The following ERBB3 variants were observed in gnomAD, a reference collection of about 807,000 sequenced individuals.
ERBB3 encodes the protein erb-b2 receptor tyrosine kinase 3.
Under a neutral mutation model 156.7 loss-of-function variants are expected in ERBB3, and 96 were observed. That is an observed-to-expected ratio of 0.61 (90% CI 0.52 to 0.73). The LOEUF (loss-of-function observed/expected upper bound fraction) is 0.73, where lower values mean the gene tolerates loss of function less well. Ranked by LOEUF, ERBB3 falls within the 30% of genes least tolerant of loss-of-function variation. The pLI is 0.00. For synonymous variants in ERBB3, 567 were observed against 632.0 expected (o/e 0.90, Z 1.54); for missense variants, 1,406 against 1,709.4 (o/e 0.82, Z 3.13).
Position 56,088,101 on chromosome 12 carries a change from G to T in ERBB3, c.813G>T (p.Gln271His), listed in dbSNP as rs1157254449. Residue 271 changes from glutamine (Q) to histidine (H), a missense_variant, in exon 7 of 28, where the codon CAG becomes CAT. Coordinates refer to ENST00000267101, the MANE Select transcript of ERBB3 (RefSeq NM_001982.4). ...QPLVYNKLTF[Q>H]LEPNPHTKYQ... ...TTGTCTACAACAAGCTAACTTTCCA[G>T]CTGGAACCCAATCCCCACACCAAGT... 1.2e-5 allele frequency: 20 copies of T among 1,614,032 alleles called. No individual in the cohort carries two copies. Among genetic ancestry groups the T allele is most frequent in the Non-Finnish European group, 1.7e-5 (20 of 1,180,034 alleles).
intron 1 of ERBB3, among the ~76,000 whole-genome samples, chr12:56,081,493 T>G (rs1868353317): frequency 6.6e-6 from 1 of 152,154 alleles, no homozygotes; most frequent in Non-Finnish European, 1.5e-5. Flanking sequence ...TTGCTGGGCC[T>G]AAATTTAGAT....
intron 1 of ERBB3, chr12:56,083,546 A>G (rs1026046330): frequency 3.3e-6 from 2 of 602,852 alleles, no homozygotes; most frequent in Middle Eastern, 4.5e-4. Context: ...CATTCATGGA[A>G]TGGTAAGGGG....
intron 3 of ERBB3, among the ~76,000 whole-genome samples, chr12:56,086,271 GA>G (rs1868483997): frequency 6.6e-6 from 1 of 152,086 alleles, no homozygotes; most frequent in Non-Finnish European, 1.5e-5. Context: ...TGTTGAGTCA[GA>G]AATCTCTCCC....
chr12:56,092,389 CAAAAAAAAAAAAAAAAA>C (rs60865127), intron 9 of ERBB3, among the ~76,000 whole-genome samples: 2 of 42,850 alleles, frequency 4.7e-5, no homozygotes, highest in East Asian at 1.1e-3. Context: ...GACTCTGTCT[CAAAAAAAAAAAAAAAAA>C]AAAAAAAAAA....
intron 9 of ERBB3, chr12:56,089,180 C>T: frequency 6.4e-6 from 3 of 467,964 alleles, no homozygotes; most frequent in South Asian, 3.1e-5. Flanking sequence ...GTCACCTAGG[C>T]TGGAGTGCAG....
At chr12:56,085,796 G>A (rs1389184371) in intron 3 of ERBB3, among the ~76,000 whole-genome samples, 20 of 145,376 alleles carry the variant, frequency 1.4e-4, no homozygotes, top group Admixed American at 6.9e-4. Flanking sequence ...AAGCCTGGGC[G>A]CGGTGGCTCA....
At chr12:56,091,264 TTTTATATATATA>T (rs1280565018) in intron 9 of ERBB3, among the ~76,000 whole-genome samples, 1 of 34,070 alleles carries the variant, frequency 2.9e-5, no homozygotes, top group African/African-American at 9.6e-5. Context: ...GCTTGGCTAA[TTTTATATATATA>T]TATATATATA....
intron 9 of ERBB3, 44 bp from the exon 10 acceptor site, chr12:56,092,703 G>C: frequency 7.1e-7 from 1 of 1,407,394 alleles, no homozygotes; most frequent in Non-Finnish European, 1.0e-6. Flanking sequence ...TTGCCATTGA[G>C]TTATACCTTT....
At chr12:56,096,411 G>A (rs973153715) in intron 17 of ERBB3, 92 bp from the exon 18 acceptor site, 2 of 1,526,044 alleles carry the variant, frequency 1.3e-6, no homozygotes, top group South Asian at 1.1e-5. Flanking sequence ...CCTTTCAGCT[G>A]TGCTGCTTTT....
Position 56,091,324 on chromosome 12 carries a change from T to TTACACATATATATTATAA in ERBB3, c.1110-1423_1110-1422insTACACATATATATTATAA, listed in dbSNP as rs1565858589. Among the ~76,000 whole-genome samples the TTACACATATATATTATAA allele has an allele frequency of 8.4e-5, 2 of 23,780 alleles. 1 individual carries two copies. The highest frequency in any genetic ancestry group is 3.1e-4 in the African/African-American group (2 of 6,424). The allele number at this position is 23,780 out of a possible 152,430, so 15.6% of individuals were successfully genotyped here. On this transcript the variant is annotated intron_variant, in intron 9 of 27. Transcript: ENST00000267101. ...TAATATATATAAATATAAATATATA[T>TTACACATATATATTATAA]ATATAAATAATATATATAAATATAT... is the stretch of plus-strand genomic sequence containing the variant.
At chr12:56,087,466 CT>C in intron 4 of ERBB3, 110 bp from the exon 5 acceptor site, 1 of 962,438 alleles carries the variant, frequency 1.0e-6, no homozygotes, top group Non-Finnish European at 1.7e-6. Context: ...ACAGCCCTGG[CT>C]TTTTGCTTCC....
rs762010415 is a variant in ERBB3, at chr12:56,083,788, C to A, written c.120C>A (p.Gly40=). The A allele has an allele frequency of 6.2e-7, 1 of 1,613,920 alleles. No individual in the cohort carries two copies. Among genetic ancestry groups the A allele is most frequent in the African/African-American group, 1.3e-5 (1 of 74,870 alleles). The part of the protein sequence containing the change: ...PGTLNGLSVT[G]DAENQYQTLY... ...CTCTGAATGGCCTGAGTGTGACCGG[C>A]GATGCTGAGAACCAATACCAGACAC... Residue 40 remains glycine (G), a synonymous_variant, in exon 2 of 28, where the codon GGC becomes GGA. Coordinates refer to ENST00000267101, the MANE Select transcript of ERBB3 (RefSeq NM_001982.4).
intron 9 of ERBB3, among the ~76,000 whole-genome samples, chr12:56,089,321 A>C (rs900285763): frequency 6.6e-6 from 1 of 152,010 alleles, no homozygotes; most frequent in Non-Finnish European, 1.5e-5. Flanking sequence ...GGGTCTTGCT[A>C]TGTTGCCCAG....
At chr12:56,081,816 G>A (rs973951213) in intron 1 of ERBB3, among the ~76,000 whole-genome samples, 1 of 152,100 alleles carries the variant, frequency 6.6e-6, no homozygotes, top group Non-Finnish European at 1.5e-5. Context: ...TCTGGTTGAG[G>A]AGGGGCTGGA....
chr12:56,086,726 C>T (rs1347948938), intron 4 of ERBB3, 70 bp downstream of exon 4: 22 of 1,595,238 alleles, frequency 1.4e-5, no homozygotes, highest in Non-Finnish European at 2.6e-6. Flanking sequence ...TTCCATCATC[C>T]TTACATTCCT....
intron 9 of ERBB3, chr12:56,089,219 G>A (rs532044461): frequency 6.7e-6 from 3 of 446,122 alleles, no homozygotes; most frequent in Admixed American, 2.5e-5. Context: ...CTGTAGCCTC[G>A]ACCTCCTGGG....
rs267603577 is a variant in ERBB3, at chr12:56,094,123, G to A, written c.1638G>A (p.Glu546=). ...GGGAGCCTCGAGAATTTGCCCATGA[G>A]GCCGAATGCTTCTCCTGCCACCCGG... is the stretch of plus-strand genomic sequence containing the variant. ...LNGEPREFAH[E]AECFSCHPEC... is the part of the protein sequence containing the mutation. The change falls in exon 14 of 28, where the codon GAG becomes GAA. Residue 546 remains glutamate (E), a synonymous_variant. Transcript: ENST00000267101. 12 of 1,613,994 alleles carry A rather than the reference G, an allele frequency of 7.4e-6. No individual in the cohort carries two copies. The South Asian group carries it at 1.2e-4, about 16-fold the overall frequency.
chr12:56,102,032 A>G lies in ERBB3; in HGVS notation c.4006A>G (p.Lys1336Glu), dbSNP rs1869131241. ...TTACTGGCATAGCAGGCTTTTCCCC[A>G]AGGCTAATGCCCAGAGAACGTAACT... is the stretch of plus-strand genomic sequence containing the variant. ...PDYWHSRLFP[K>E]ANAQRT is the part of the protein sequence containing the mutation. Residue 1336 changes from lysine (K) to glutamate (E), a missense_variant, in exon 28 of 28, where the codon AAG becomes GAG. Lys to Glu is a moderately conservative substitution (Grantham distance 56). Transcript: ENST00000267101. 1.2e-6 allele frequency: 2 copies of G among 1,611,008 alleles called. No individual in the cohort carries two copies. Among genetic ancestry groups the G allele is most frequent in the East Asian group, 2.2e-5 (1 of 44,884 alleles).
intron 1 of ERBB3, among the ~76,000 whole-genome samples, chr12:56,081,198 G>A (rs1348246175): frequency 1.3e-5 from 2 of 152,206 alleles, no homozygotes; most frequent in Non-Finnish European, 2.9e-5. Context: ...GCCTTGGGGA[G>A]TCCTTCCTGG....
Sources: allele counts gnomAD v4.1 joint callset (sites outside exome capture counted in the v4.1 genomes callset), GRCh38; gene constraint gnomAD v4.1.1; transcripts MANE v1.5; gene names NCBI Gene and HGNC (gene_info 2026-07-23, HGNC 2026-07-21).